MYCT1: variants seen among roughly 807,000 people sequenced by gnomAD.
MYCT1 encodes the protein myc target protein 1.
A neutral mutation model predicts 15.0 loss-of-function variants in MYCT1; 12 were observed. That is an observed-to-expected ratio of 0.80 (90% CI 0.51 to 1.29). The LOEUF (loss-of-function observed/expected upper bound fraction) is 1.29, where lower values mean the gene tolerates loss of function less well. MYCT1 is among the 50% of genes most tolerant of loss of function. The pLI is 0.00. For missense variants in MYCT1, 287 were observed against 279.1 expected, an observed-to-expected ratio of 1.03 and a Z score of -0.20; for synonymous variants, 104 against 102.7, an observed-to-expected ratio of 1.01 and a Z score of -0.07.
chr6:152,735,746 A>G, the MYCT1 span, among the ~76,000 whole-genome samples: 1 of 152,138 alleles, frequency 6.6e-6, no homozygotes. Flanking sequence ...TAGAAAGTTT[A>G]AAATATTTGT....
chr6:152,698,065 A>G lies in MYCT1; in HGVS notation c.163A>G (p.Ser55Gly). The G allele has an allele frequency of 6.3e-7, 1 of 1,586,974 alleles. No individual in the cohort carries two copies. The highest frequency in any genetic ancestry group is 8.5e-7 in the Non-Finnish European group (1 of 1,171,442). The stretch of plus-strand genomic sequence containing the variant: ...GGATATTATGGCTAATAACACAACA[A>G]GTTTAGGGAGTCCATGGCCAGAAAA... ...LVDIMANNTT[S>G]LGSPWPENFW... Residue 55 changes from serine (S) to glycine (G), a missense_variant, in exon 1 of 2, where the codon AGT (serine) becomes GGT (glycine). Coordinates refer to ENST00000367245, the MANE Select transcript of MYCT1 (RefSeq NM_025107.3).
At position 152,698,054 on chromosome 6, in the gene MYCT1, A is replaced by G. The variant is rs149334750; in HGVS notation, c.152A>G (p.Asn51Ser). The G allele has an allele frequency of 7.5e-6, 12 of 1,604,870 alleles. No individual in the cohort carries two copies. In the African/African-American group the frequency reaches 1.6e-4, roughly 22 times the overall value. ...CTATTTCTTGTGGATATTATGGCTAATAACACAACAAGTTTAGGGAGTCCA... is the reference window on the plus strand; with the variant it reads ...CTATTTCTTGTGGATATTATGGCTAGTAACACAACAAGTTTAGGGAGTCCA... The part of the protein sequence containing the change: ...FLLFLVDIMA[N>S]NTTSLGSPWP... The change falls in exon 1 of 2, where the codon AAT becomes AGT. Residue 51 changes from asparagine (N) to serine (S), a missense_variant. Asn to Ser is a conservative substitution (Grantham distance 46). Coordinates refer to ENST00000367245, the MANE Select transcript of MYCT1 (RefSeq NM_025107.3).
At chr6:152,725,910 G>A (rs991255110), downstream of MYCT1, among the ~76,000 whole-genome samples, 1 of 152,176 alleles carries the variant, frequency 6.6e-6, no homozygotes, top group Non-Finnish European at 1.5e-5. Context: ...TGCTTTGTGT[G>A]AGAGGGTGGG....
At chr6:152,699,258 A>T (rs146210993) in intron 1 of MYCT1, among the ~76,000 whole-genome samples, 332 of 152,280 alleles carry the variant, frequency 2.2e-3, no homozygotes, top group African/African-American at 7.4e-3. Flanking sequence ...CTTAGATGAA[A>T]AATGTGGGGA....
the MYCT1 span, among the ~76,000 whole-genome samples, chr6:152,735,498 T>C: frequency 2.0e-5 from 3 of 152,256 alleles, no homozygotes; most frequent in East Asian, 1.9e-4. Context: ...ATTCTGTCAC[T>C]ACATTTATAT....
At chr6:152,703,405 T>C (rs2129068329) in intron 1 of MYCT1, among the ~76,000 whole-genome samples, 1 of 152,332 alleles carries the variant, frequency 6.6e-6, no homozygotes, top group East Asian at 1.9e-4. Flanking sequence ...TGTTCAAACA[T>C]ACATAAATAT....
the MYCT1 span, among the ~76,000 whole-genome samples, chr6:152,733,478 AAATC>A: frequency 6.6e-6 from 1 of 152,168 alleles, no homozygotes; most frequent in East Asian, 1.9e-4. Context: ...GGCAGCTACA[AAATC>A]AAACAGTTGC....
intron 1 of MYCT1, among the ~76,000 whole-genome samples, chr6:152,717,187 G>A (rs1249314541): frequency 1.3e-5 from 2 of 152,004 alleles, no homozygotes; most frequent in Non-Finnish European, 2.9e-5. Context: ...AAAAAAATGT[G>A]TATGAAAACC....
At chr6:152,713,432 T>C (rs1008158630) in intron 1 of MYCT1, among the ~76,000 whole-genome samples, 2 of 152,136 alleles carry the variant, frequency 1.3e-5, no homozygotes, top group African/African-American at 4.8e-5. Flanking sequence ...GATCACATTT[T>C]CCTGTTTCTT....
At chr6:152,703,277 T>C (rs913545680) in intron 1 of MYCT1, among the ~76,000 whole-genome samples, 5 of 152,192 alleles carry the variant, frequency 3.3e-5, no homozygotes, top group Admixed American at 2.6e-4. Context: ...ATCAATTCTG[T>C]TAGTGAAGGG....
In MYCT1 at chr6:152,716,623, G is replaced by A. The variant is rs772520406; in HGVS notation, c.197-5119G>A. Among the ~76,000 whole-genome samples the A allele has an allele frequency of 7.7e-4, 117 of 152,116 alleles. 1 individual carries two copies. The highest frequency in any genetic ancestry group is 3.1e-3 in the Admixed American group (47 of 15,252). ...AAAATTGGAAGACACGAACGTGGCT[G>A]TTATTATCAGGCCAAGAAGGGTCAA... On this transcript the variant is annotated intron_variant, in intron 1 of 1. Coordinates refer to ENST00000367245, the MANE Select transcript of MYCT1 (RefSeq NM_025107.3).
the MYCT1 span, among the ~76,000 whole-genome samples, chr6:152,744,634 T>C: frequency 3.9e-5 from 6 of 152,264 alleles, no homozygotes; most frequent in African/African-American, 1.4e-4. Flanking sequence ...ATGTAGTCTC[T>C]TCCAAGCCAT....
intron 1 of MYCT1, among the ~76,000 whole-genome samples, chr6:152,703,050 G>T (rs1341013740): frequency 6.6e-6 from 1 of 152,172 alleles, no homozygotes; most frequent in Admixed American, 6.6e-5. Flanking sequence ...TTCTCTGATA[G>T]CTTTGTCAGG....
Position 152,722,251 on chromosome 6 carries a change from T to C in MYCT1, c.706T>C (p.Ter236ArgextTer22). The C allele has an allele frequency of 6.3e-7, 1 of 1,596,624 alleles. No individual in the cohort carries two copies. Among genetic ancestry groups the C allele is most frequent in the Non-Finnish European group, 8.5e-7 (1 of 1,172,514 alleles). Residue 236 changes from the stop codon to arginine, a stop_lost, in exon 2 of 2, where the codon TGA (stop) becomes CGA (arginine). Coordinates refer to ENST00000367245, the MANE Select transcript of MYCT1 (RefSeq NM_025107.3). ...CATCATCAAGGCATTCCCAGATTCC[T>C]GAGTAGGGTGGCTTTTGGTTTTTGT... The part of the protein sequence containing the change: ...ESIIKAFPDS[*>R]
At chr6:152,738,611 C>T in the MYCT1 span, among the ~76,000 whole-genome samples, 3 of 151,990 alleles carry the variant, frequency 2.0e-5, no homozygotes, top group East Asian at 1.9e-4. Flanking sequence ...GAATATGGAG[C>T]GAATAATGCT....
intron 1 of MYCT1, among the ~76,000 whole-genome samples, chr6:152,704,229 T>C (rs1354723015): frequency 2.0e-5 from 3 of 152,114 alleles, no homozygotes; most frequent in Admixed American, 6.6e-5. Context: ...CTCAAACTCC[T>C]GGGCTCAAGC....
intron 1 of MYCT1, among the ~76,000 whole-genome samples, chr6:152,721,181 T>C (rs996364400): frequency 1.3e-5 from 2 of 152,070 alleles, no homozygotes; most frequent in Non-Finnish European, 2.9e-5. Context: ...TCAGGAAATA[T>C]GACATAAATC....
chr6:152,732,713 T>C, the MYCT1 span, among the ~76,000 whole-genome samples: 6 of 152,182 alleles, frequency 3.9e-5, no homozygotes, highest in Non-Finnish European at 8.8e-5. Context: ...AGTGGCCTTA[T>C]AAGAAAGGCA....
intron 1 of MYCT1, among the ~76,000 whole-genome samples, chr6:152,706,282 C>T (rs2099722230): frequency 1.3e-5 from 2 of 152,122 alleles, no homozygotes; most frequent in Non-Finnish European, 2.9e-5. Flanking sequence ...TTACTGGTTT[C>T]AGTTGACAAA....
Sources: gnomAD v4.1 joint callset for allele counts (sites outside exome capture counted in the v4.1 genomes callset) on GRCh38, gnomAD v4.1.1 for gene constraint, MANE v1.5 for transcripts, NCBI Gene and HGNC (gene_info 2026-07-23, HGNC 2026-07-21) for gene names.